The following PRMT8 variants were observed in gnomAD, a reference collection of about 807,000 sequenced individuals.
PRMT8 encodes protein arginine N-methyltransferase 8.
Under a neutral mutation model 47.1 loss-of-function variants are expected in PRMT8, and 7 were observed. That is an observed-to-expected ratio of 0.15 (90% CI 0.08 to 0.28). PRMT8 has a LOEUF of 0.28. Among genes scored for constraint, PRMT8 ranks in the 10% least tolerant of loss-of-function variants. The pLI, the probability that PRMT8 is intolerant of heterozygous loss-of-function variation, is 1.00. For missense variants in PRMT8, 237 were observed against 505.4 expected, an observed-to-expected ratio of 0.47 and a Z score of 5.09; for synonymous variants, 188 against 186.5, an observed-to-expected ratio of 1.01 and a Z score of -0.07.
At chr12:3,470,430 G>A (rs1297124815) in intron 1 of PRMT8, among the ~76,000 whole-genome samples, 1 of 152,174 alleles carries the variant, frequency 6.6e-6, no homozygotes, top group Admixed American at 6.5e-5. Flanking sequence ...CTGGGCAGGG[G>A]ATGTGGTGAG....
intron 1 of PRMT8, among the ~76,000 whole-genome samples, chr12:3,419,647 C>T (rs922176657): frequency 6.6e-6 from 1 of 152,098 alleles, no homozygotes; most frequent in Non-Finnish European, 1.5e-5. Context: ...TCTCTGTCTA[C>T]CACAGAGCCT....
At chr12:3,523,229 G>A (rs1865906864) in intron 1 of PRMT8, among the ~76,000 whole-genome samples, 2 of 152,298 alleles carry the variant, frequency 1.3e-5, no homozygotes. Flanking sequence ...TCAAGGCTGG[G>A]TGAGTCACTC....
In PRMT8 at chr12:3,569,478, A is replaced by G. The variant is rs770719253; in HGVS notation, c.626A>G (p.Lys209Arg). ...CATTTCCCCACAATTCATCAACAGA[A>G]ACCTGGAGGGCTTATGTTTCCAGAC... ...TVIFARDKWL[K>R]PGGLMFPDRA... The change falls in exon 6 of 10, where the codon AAA becomes AGA. Residue 209 changes from lysine to arginine, a missense_variant and splice_region_variant. Physicochemically the swap from Lys to Arg is conservative, Grantham distance 26. Transcript: ENST00000382622. This position sits in a 1 kb window ranked among gnomAD's most constrained non-coding sequence, Gnocchi z 8.2. The G allele has an allele frequency of 1.2e-6, 2 of 1,614,048 alleles. No individual in the cohort carries two copies. Among genetic ancestry groups the G allele is most frequent in the South Asian group, 1.1e-5 (1 of 91,078 alleles).
chr12:3,587,019 T>C (rs1049375908), intron 8 of PRMT8, among the ~76,000 whole-genome samples: 3 of 152,192 alleles, frequency 2.0e-5, no homozygotes, highest in Non-Finnish European at 4.4e-5. Flanking sequence ...AGCAGTGGGG[T>C]ATACTCAGAC....
At chr12:3,426,610 C>G (rs1207236679) in intron 1 of PRMT8, among the ~76,000 whole-genome samples, 2 of 152,148 alleles carry the variant, frequency 1.3e-5, no homozygotes, top group Non-Finnish European at 2.9e-5. Context: ...CAGGATATAA[C>G]AAGGCAAGCA....
intron 1 of PRMT8, among the ~76,000 whole-genome samples, chr12:3,434,901 T>C (rs150087007): frequency 3.7e-4 from 56 of 151,598 alleles, no homozygotes; most frequent in African/African-American, 1.3e-3. Context: ...ATAGACGCCC[T>C]CACTCTCAGG....
At chr12:3,472,701 G>C (rs537363981) in intron 1 of PRMT8, among the ~76,000 whole-genome samples, 63 of 152,238 alleles carry the variant, frequency 4.1e-4, no homozygotes, top group Non-Finnish European at 6.6e-4. Flanking sequence ...AGAGCATCTC[G>C]GTCTCCATAT....
At chr12:3,522,804 A>C (rs1865900087) in intron 1 of PRMT8, among the ~76,000 whole-genome samples, 3 of 151,762 alleles carry the variant, frequency 2.0e-5, no homozygotes, top group African/African-American at 4.9e-5. Context: ...AAACAAACAA[A>C]CAAAAAAAAA....
Position 3,491,549 on chromosome 12 carries a change from C to G in PRMT8, c.-77C>G. 3 of 1,510,154 alleles carry G rather than the reference C, an allele frequency of 2.0e-6. No individual in the cohort carries two copies. Among genetic ancestry groups the G allele is most frequent in the Non-Finnish European group, 2.7e-6 (3 of 1,131,094 alleles). 93.5% of individuals were successfully genotyped at this position (1,510,154 alleles called of 1,614,324 possible). A position where few individuals can be genotyped will look rare whatever the true frequency, so the allele number is the denominator to read the frequency against. ...GATTTTTTTTTTTCTCCCATCCTCT[C>G]GCTCTCTCTTTTAAAGCGACACCAG... On this transcript the variant is annotated 5_prime_UTR_variant, in exon 1 of 10. Coordinates refer to ENST00000382622, the MANE Select transcript of PRMT8 (RefSeq NM_019854.5).
chr12:3,530,972 A>G (rs1022793641), intron 1 of PRMT8, among the ~76,000 whole-genome samples: 16 of 152,320 alleles, frequency 1.1e-4, no homozygotes, highest in Middle Eastern at 3.4e-3. Context: ...TTGCACAGTG[A>G]CATGAACAGG....
At chr12:3,507,123 T>TC (rs1865640045) in intron 1 of PRMT8, among the ~76,000 whole-genome samples, 1 of 147,920 alleles carries the variant, frequency 6.8e-6, no homozygotes, top group East Asian at 2.0e-4. Context: ...CCTTTCTTTT[T>TC]TTTTTTTTTT....
At chr12:3,424,648 T>C (rs1028290236) in intron 1 of PRMT8, among the ~76,000 whole-genome samples, 5 of 152,140 alleles carry the variant, frequency 3.3e-5, no homozygotes, top group Non-Finnish European at 7.4e-5. Context: ...GCTGTGGACA[T>C]GGGAGGCTCA....
intron 1 of PRMT8, among the ~76,000 whole-genome samples, chr12:3,497,541 A>T (rs1340997189): frequency 6.6e-6 from 1 of 152,154 alleles, no homozygotes; most frequent in Non-Finnish European, 1.5e-5. Flanking sequence ...CACCATTTTT[A>T]CTAGTTTTTG....
rs374363858 is a variant in PRMT8 at position 3,582,630 on chromosome 12, C to T, written c.829-428C>T. 2.7e-4 allele frequency among the ~76,000 whole-genome samples: 41 copies of T among 152,224 alleles called. 1 individual carries two copies. In the South Asian group the frequency reaches 8.5e-3, roughly 32 times the overall value. On this transcript the variant is annotated intron_variant, in intron 7 of 9. Coordinates refer to ENST00000382622, the MANE Select transcript of PRMT8 (RefSeq NM_019854.5). ...GTCTGCCCCCCTCAGAATTTGCCCC[C>T]AGGTACTGTTGATGCTGATATTTCA...
chr12:3,452,326 CACACACACAT>C (rs1347176637), intron 1 of PRMT8, among the ~76,000 whole-genome samples: 1 of 151,492 alleles, frequency 6.6e-6, no homozygotes, highest in African/African-American at 2.4e-5. Context: ...AACACACACA[CACACACACAT>C]ACACACACAC....
At position 3,540,666 on chromosome 12, in the gene PRMT8, G is replaced by A. The variant is rs777886276; in HGVS notation, c.136G>A (p.Val46Ile). ...CGTCCCTGCTAAGCCCGTGCAATGC[G>A]TCCATCATGTGTCCACTCAACCCAG... ...PVVPAKPVQC[V>I]HHVSTQPSCP... The change falls in exon 2 of 10, where the codon GTC (valine) becomes ATC (isoleucine). Residue 46 changes from valine (V) to isoleucine (I), a missense_variant. Transcript: ENST00000382622. 15 of 1,560,396 alleles carry A rather than the reference G, an allele frequency of 9.6e-6. No individual in the cohort carries two copies. The highest frequency in any genetic ancestry group is 4.4e-5 in the South Asian group (4 of 90,178).
At chr12:3,553,619 C>T (rs752865664) in intron 3 of PRMT8, 32 bp from the exon 4 acceptor site, 12 of 1,547,080 alleles carry the variant, frequency 7.8e-6, no homozygotes, top group Admixed American at 6.7e-5. Context: ...TTTTTTTTGA[C>T]GCCTTGCTCC....
chr12:3,516,815 T>G (rs1424654609), intron 1 of PRMT8, among the ~76,000 whole-genome samples: 1 of 146,724 alleles, frequency 6.8e-6, no homozygotes, highest in Non-Finnish European at 1.5e-5. Context: ...CCCTCGCCCC[T>G]TAGTTGCGCT....
At chr12:3,419,762 A>G (rs755448062) in intron 1 of PRMT8, among the ~76,000 whole-genome samples, 4 of 151,684 alleles carry the variant, frequency 2.6e-5, no homozygotes, top group Non-Finnish European at 5.9e-5. Context: ...AGGGCTCTCA[A>G]TGGCCTCGAG....
Sources: allele counts gnomAD v4.1 joint callset (sites outside exome capture counted in the v4.1 genomes callset), GRCh38; gene constraint gnomAD v4.1.1; non-coding constraint Gnocchi (gnomAD v3.1); transcripts MANE v1.5; gene names NCBI Gene and HGNC (gene_info 2026-07-23, HGNC 2026-07-21).